MGAT5: variants seen among roughly 807,000 people sequenced by gnomAD.
The protein encoded by MGAT5 is alpha-1,6-mannosylglycoprotein 6-beta-N-acetylglucosaminyltransferase A.
In MGAT5, 30 loss-of-function variants were observed where a neutral mutation model predicts 94.3. That is an observed-to-expected ratio of 0.32 (90% CI 0.24 to 0.43). The LOEUF (loss-of-function observed/expected upper bound fraction) is 0.43, where lower values mean the gene tolerates loss of function less well. MGAT5 is among the 20% of genes least tolerant of loss of function. The pLI, the probability that MGAT5 is intolerant of heterozygous loss-of-function variation, is 1.00. For synonymous variants in MGAT5, 310 were observed against 322.9 expected (o/e 0.96, Z 0.43); for missense variants, 691 against 905.5 (o/e 0.76, Z 3.04).
intron 14 of MGAT5, among the ~76,000 whole-genome samples, chr2:134,434,958 A>C (rs1685088506): frequency 6.6e-6 from 1 of 152,200 alleles, no homozygotes. Flanking sequence ...TACTGAATGA[A>C]TGAGGAAACC....
rs1232245455 is a variant in MGAT5, at chr2:134,254,179, G to T, written c.-225G>T. ...TTAAGAGTTGACATTTTACTTAGAG[G>T]TATTCAAGTGAAAACATGGCTTCTG... On this transcript the variant is annotated 5_prime_UTR_variant, in exon 1 of 16. Coordinates refer to ENST00000281923, the MANE Select transcript of MGAT5 (RefSeq NM_002410.5). 1.7e-6 allele frequency: 1 copy of T among 593,858 alleles called. No individual in the cohort carries two copies. The highest frequency in any genetic ancestry group is 3.0e-6 in the Non-Finnish European group (1 of 335,012). The allele number at this position is 593,858 out of a possible 1,614,324, so 36.8% of individuals were successfully genotyped here.
intron 1 of MGAT5, among the ~76,000 whole-genome samples, chr2:134,190,332 A>G (rs1387748069): frequency 6.6e-6 from 1 of 152,116 alleles, no homozygotes; most frequent in African/African-American, 2.4e-5. Context: ...TTTTGTAGCA[A>G]GTGTGGTTTC....
chr2:134,347,419 C>T (rs913222417), intron 8 of MGAT5, among the ~76,000 whole-genome samples: 7 of 152,150 alleles, frequency 4.6e-5, no homozygotes, highest in African/African-American at 1.7e-4. Flanking sequence ...AGGCCCTTAG[C>T]AGACAACTTT....
At chr2:134,249,714 G>C (rs571793621), upstream of MGAT5, among the ~76,000 whole-genome samples, 2 of 152,346 alleles carry the variant, frequency 1.3e-5, no homozygotes, top group Admixed American at 6.5e-5. Context: ...GGATACTGCT[G>C]CTGAGTACTT....
intron 2 of MGAT5, among the ~76,000 whole-genome samples, chr2:134,313,531 A>G (rs1686823807): frequency 6.6e-6 from 1 of 152,174 alleles, no homozygotes; most frequent in Non-Finnish European, 1.5e-5. Flanking sequence ...GTGTAAGGGT[A>G]ACGGATTAAA....
At chr2:134,345,151 A>T in intron 8 of MGAT5, 87 bp downstream of exon 8, 1 of 1,402,050 alleles carries the variant, frequency 7.1e-7, no homozygotes, top group Non-Finnish European at 9.8e-7. Context: ...AAGCTTATCA[A>T]ATAGTATCTT....
At chr2:134,259,358 C>T (rs1409929399) in intron 1 of MGAT5, among the ~76,000 whole-genome samples, 3 of 152,202 alleles carry the variant, frequency 2.0e-5, no homozygotes, top group Non-Finnish European at 1.5e-5. Context: ...GTGAATTGAT[C>T]TCTGTCTCCA....
chr2:134,376,072 G>T (rs1681150922), intron 10 of MGAT5, among the ~76,000 whole-genome samples: 2 of 152,156 alleles, frequency 1.3e-5, no homozygotes, highest in African/African-American at 4.8e-5. Flanking sequence ...GGTTCTCAAG[G>T]CGTGCTAAGG....
At position 134,227,584 on chromosome 2, in the gene MGAT5, G is replaced by A. The variant is rs567173520; in HGVS notation, c.-142-26678G>A. On this transcript the variant is annotated intron_variant, in intron 1 of 16. Coordinates refer to the MGAT5 transcript ENST00000409645. Reference sequence around the variant, plus strand: ...CTCTTTGTTAGTATGGGTATAGGCTGTATTCTGGAAAAGGTAAACACTAAC... The same window carrying A: ...CTCTTTGTTAGTATGGGTATAGGCTATATTCTGGAAAAGGTAAACACTAAC... Among the ~76,000 whole-genome samples, 7 of 152,324 alleles carry A rather than the reference G, an allele frequency of 4.6e-5. No individual in the cohort carries two copies. In the South Asian group the frequency reaches 1.0e-3, roughly 23 times the overall value.
chr2:134,132,560 C>G (rs1359522486), intron 1 of MGAT5, among the ~76,000 whole-genome samples: 2 of 152,232 alleles, frequency 1.3e-5, no homozygotes, highest in African/African-American at 4.8e-5. Flanking sequence ...TGGCACATAC[C>G]CAATCCCATT....
chr2:134,121,876 TGCACATCCTAAGCCTTA>T (rs1164642681), intron 1 of MGAT5, among the ~76,000 whole-genome samples: 2 of 152,194 alleles, frequency 1.3e-5, no homozygotes, highest in Non-Finnish European at 2.9e-5. Flanking sequence ...CTCTGTGTCA[TGCACATCCTAAGCCTTA>T]CGGCTGCATC....
At chr2:134,386,450 C>A (rs921331997) in intron 10 of MGAT5, among the ~76,000 whole-genome samples, 1 of 152,124 alleles carries the variant, frequency 6.6e-6, no homozygotes, top group African/African-American at 2.4e-5. Flanking sequence ...TTTCCTTTTT[C>A]TCTTAAAATA....
chr2:134,218,583 C>T (rs1680608914), intron 1 of MGAT5, among the ~76,000 whole-genome samples: 1 of 152,086 alleles, frequency 6.6e-6, no homozygotes, highest in Non-Finnish European at 1.5e-5. Context: ...ACATGGTCTG[C>T]CGTCCTGTGG....
At chr2:134,430,643 T>C (rs538386980) in intron 14 of MGAT5, among the ~76,000 whole-genome samples, 100 of 152,310 alleles carry the variant, frequency 6.6e-4, no homozygotes, top group South Asian at 2.1e-4. Context: ...CTGGAAAGCA[T>C]GCTAATAAAA....
chr2:134,158,260 C>G (rs1218748590), intron 1 of MGAT5, among the ~76,000 whole-genome samples: 1 of 152,234 alleles, frequency 6.6e-6, no homozygotes, highest in African/African-American at 2.4e-5. Flanking sequence ...TCTGCCTCCT[C>G]CCAGTGTCCA....
chr2:134,414,897 G>A (rs767603311), intron 12 of MGAT5, among the ~76,000 whole-genome samples: 2 of 152,154 alleles, frequency 1.3e-5, no homozygotes, highest in Non-Finnish European at 2.9e-5. Context: ...TTCTGTGCCT[G>A]GCTTATTTTA....
chr2:134,399,848 G>A (rs1175972912), intron 10 of MGAT5, among the ~76,000 whole-genome samples: 1 of 152,160 alleles, frequency 6.6e-6, no homozygotes, highest in Non-Finnish European at 1.5e-5. Context: ...GGAAGGGGGA[G>A]TGTATGCTGG....
chr2:134,128,149 G>A (rs1685936319), intron 1 of MGAT5, among the ~76,000 whole-genome samples: 1 of 151,640 alleles, frequency 6.6e-6, no homozygotes, highest in Non-Finnish European at 1.5e-5. Context: ...TGGAAGGATT[G>A]CTTGAGCCCA....
chr2:134,150,247 CT>C lies in MGAT5; in HGVS notation c.-143+29957del, dbSNP rs1417818518. ...CGTCTTGATAGTAGTGTGTTTACCC[CT>C]ATCAGCAAGGCCATTGAGACAGAAG... On this transcript the variant is annotated intron_variant, in intron 1 of 16. Transcript: ENST00000409645. Among the ~76,000 whole-genome samples the C allele has an allele frequency of 7.9e-5, 12 of 152,176 alleles. No individual in the cohort carries two copies. The East Asian group carries it at 2.3e-3, about 29-fold the overall frequency.
Sources: allele counts gnomAD v4.1 joint callset (sites outside exome capture counted in the v4.1 genomes callset), GRCh38; gene constraint gnomAD v4.1.1; transcripts MANE v1.5; gene names NCBI Gene and HGNC (gene_info 2026-07-23, HGNC 2026-07-21).